The following PROM1 variants were observed in gnomAD, a reference collection of about 807,000 sequenced individuals.
The protein encoded by PROM1 is prominin-1.
A neutral mutation model predicts 116.9 loss-of-function variants in PROM1; 105 were observed. The ratio of observed to expected loss-of-function variants is 0.90; its 90% CI spans 0.77 to 1.06. The LOEUF is 1.06. Among genes scored for constraint, PROM1 ranks in the 50% least tolerant of loss-of-function variants. The pLI, the probability that PROM1 is intolerant of heterozygous loss-of-function variation, is 0.00. For synonymous variants in PROM1, 393 were observed against 387.0 expected (o/e 1.02, Z -0.18); for missense variants, 1,122 against 1,045.2 (o/e 1.07, Z -1.01).
At chr4:16,027,185 A>G (rs1313867870) in intron 5 of PROM1, among the ~76,000 whole-genome samples, 1 of 152,172 alleles carries the variant, frequency 6.6e-6, no homozygotes, top group East Asian at 1.9e-4. Flanking sequence ...CTAAATTTGC[A>G]TTGGTATTTT....
intron 2 of PROM1, among the ~76,000 whole-genome samples, chr4:16,060,895 G>A (rs528221843): frequency 2.6e-5 from 4 of 152,208 alleles, no homozygotes; most frequent in African/African-American, 4.8e-5. Flanking sequence ...TCGATGATTC[G>A]GATTTAATTT....
chr4:16,006,918 G>A (rs1461556745), intron 12 of PROM1, among the ~76,000 whole-genome samples: 4 of 152,168 alleles, frequency 2.6e-5, no homozygotes, highest in Non-Finnish European at 5.9e-5. Flanking sequence ...GGTTTGCATT[G>A]TTCCTGGTGG....
chr4:16,050,678 G>A (rs2149468322), intron 2 of PROM1, among the ~76,000 whole-genome samples: 1 of 152,290 alleles, frequency 6.6e-6, no homozygotes, highest in Admixed American at 6.5e-5. Context: ...TTTTAAAACT[G>A]ATGTCTTATC....
chr4:15,970,655 G>T (rs1169412601), intron 27 of PROM1, among the ~76,000 whole-genome samples: 1 of 151,760 alleles, frequency 6.6e-6, no homozygotes, highest in Non-Finnish European at 1.5e-5. Context: ...CGTCCCTCTG[G>T]ATCCATGTGG....
At chr4:16,016,030 G>A (rs1191629728) in intron 10 of PROM1, 136 bp downstream of exon 10, 3 of 722,444 alleles carry the variant, frequency 4.2e-6, no homozygotes, top group East Asian at 2.8e-5. Context: ...TTGCCTGGAA[G>A]GTAATAGCTA....
At chr4:16,039,056 G>A in intron 2 of PROM1, 55 bp from the exon 3 acceptor site, 1 of 1,367,798 alleles carries the variant, frequency 7.3e-7, no homozygotes, top group Non-Finnish European at 9.6e-7. Flanking sequence ...ATTATAAAAT[G>A]CATATTTAGA....
At chr4:15,985,870 A>T in intron 21 of PROM1, 42 bp from the exon 22 acceptor site, 1 of 74,412 alleles carries the variant, frequency 1.3e-5, no homozygotes, top group Non-Finnish European at 2.7e-5. Flanking sequence ...TAAAATGATG[A>T]CAGCATACTT....
intron 2 of PROM1, among the ~76,000 whole-genome samples, chr4:16,059,496 G>A (rs1463948996): frequency 6.6e-6 from 1 of 152,158 alleles, no homozygotes; most frequent in Non-Finnish European, 1.5e-5. Flanking sequence ...TTGAGCCCAG[G>A]AGTTCGAGAC....
intron 5 of PROM1, among the ~76,000 whole-genome samples, chr4:16,028,630 ATTT>A (rs1731949959): frequency 6.6e-6 from 1 of 152,088 alleles, no homozygotes; most frequent in South Asian, 2.1e-4. Context: ...TGTTCAGTGT[ATTT>A]TTTAGCAAAA....
chr4:15,993,962 C>A (rs749768785), intron 16 of PROM1, 25 bp downstream of exon 16: 28 of 1,607,560 alleles, frequency 1.7e-5, no homozygotes, highest in Non-Finnish European at 2.3e-5. Flanking sequence ...TGTGTTATGT[C>A]GATTCCATGA....
At chr4:16,036,273 A>G (rs1733918407) in intron 3 of PROM1, among the ~76,000 whole-genome samples, 1 of 152,246 alleles carries the variant, frequency 6.6e-6, no homozygotes, top group African/African-American at 2.4e-5. Context: ...GTGGCAAAAT[A>G]AAATTAGGTG....
rs555436815 is a variant in PROM1, at chr4:15,991,280, G to A, written c.1925C>T (p.Pro642Leu). 385 of 1,604,000 alleles carry A rather than the reference G, an allele frequency of 2.4e-4. No homozygotes were observed. Among genetic ancestry groups the A allele is most frequent in the Non-Finnish European group, 3.0e-4 (356 of 1,176,486 alleles). ...DSYLAQTGKS[P>L]AGVNLLSFAY... ...AAATGATAAAAGATTCACTCCTGCGGGGGATTTACCAGTCTACAATAGAAG... is the reference window on the plus strand; with the variant it reads ...AAATGATAAAAGATTCACTCCTGCGAGGGATTTACCAGTCTACAATAGAAG... Residue 642 changes from proline (P) to leucine (L), a missense_variant, in exon 18 of 28, where the codon CCC (proline) becomes CTC (leucine). Coordinates refer to ENST00000447510, the MANE Select transcript of PROM1 (RefSeq NM_006017.3).
At chr4:16,065,378 C>T (rs1162448419) in intron 2 of PROM1, among the ~76,000 whole-genome samples, 1 of 152,214 alleles carries the variant, frequency 6.6e-6, no homozygotes, top group African/African-American at 2.4e-5. Flanking sequence ...CTTCCACACA[C>T]TCATAGCTTA....
intron 15 of PROM1, among the ~76,000 whole-genome samples, chr4:15,994,535 G>A (rs1364494133): frequency 2.0e-5 from 3 of 152,034 alleles, no homozygotes; most frequent in African/African-American, 4.8e-5. Context: ...ACGCTTAGAC[G>A]TATATCCTCA....
chr4:16,001,912 G>A (rs1285645670), intron 13 of PROM1, among the ~76,000 whole-genome samples: 1 of 152,170 alleles, frequency 6.6e-6, no homozygotes, highest in Non-Finnish European at 1.5e-5. Context: ...ATAAAGACAT[G>A]GAAAAGAAAG....
chr4:15,978,990 AAAAGGAAGGAAGGAAGGAAAGAAG>A (rs1193287712), intron 26 of PROM1, among the ~76,000 whole-genome samples: 3 of 148,162 alleles, frequency 2.0e-5, no homozygotes, highest in African/African-American at 7.6e-5. Flanking sequence ...AAGGAAGGAA[AAAAGGAAGGAAGGAAGGAAAGAAG>A]GAAGGAAGGA....
intron 18 of PROM1, among the ~76,000 whole-genome samples, chr4:15,990,531 C>T (rs900333891): frequency 2.0e-4 from 31 of 152,182 alleles, no homozygotes; most frequent in African/African-American, 6.0e-4. Flanking sequence ...AGGAAAACAA[C>T]CTGTGTGCAT....
chr4:15,999,313 T>C (rs1213342316), intron 14 of PROM1, among the ~76,000 whole-genome samples: 2 of 151,866 alleles, frequency 1.3e-5, no homozygotes, highest in South Asian at 2.1e-4. Context: ...CTACTAAAAA[T>C]ACAAAAAATT....
At chr4:16,059,560 T>G (rs1739836746) in intron 2 of PROM1, among the ~76,000 whole-genome samples, 1 of 151,848 alleles carries the variant, frequency 6.6e-6, no homozygotes, top group Non-Finnish European at 1.5e-5. Context: ...AAAAAATTAG[T>G]CGGGTGGGGT....
Sources: allele counts gnomAD v4.1 joint callset (sites outside exome capture counted in the v4.1 genomes callset), GRCh38; gene constraint gnomAD v4.1.1; transcripts MANE v1.5; gene names NCBI Gene and HGNC (gene_info 2026-07-23, HGNC 2026-07-21).